The following AGBL4 variants were observed in gnomAD, a reference collection of about 807,000 sequenced individuals.
The protein encoded by AGBL4 is AGBL carboxypeptidase 4.
In AGBL4, 58 loss-of-function variants were observed where a neutral mutation model predicts 66.4. That is an observed-to-expected ratio of 0.87 (90% confidence interval 0.71 to 1.09). AGBL4 has a LOEUF of 1.09. AGBL4 is among the 50% of genes least tolerant of loss of function. The probability of loss-of-function intolerance (pLI) is 0.00; values close to 1 mark genes in which losing one functional copy is unlikely to be tolerated. For missense variants in AGBL4, 579 were observed against 631.0 expected, an observed-to-expected ratio of 0.92 and a Z score of 0.88; for synonymous variants, 234 against 222.9, an observed-to-expected ratio of 1.05 and a Z score of -0.44.
intron 3 of AGBL4, among the ~76,000 whole-genome samples, chr1:49,534,819 C>A (rs1414649504): frequency 1.3e-5 from 2 of 152,204 alleles, no homozygotes; most frequent in East Asian, 3.9e-4. Context: ...AAGCCAAGAC[C>A]ACCAGATCAC....
rs115405114 is a variant in AGBL4 at position 49,929,170 on chromosome 1, G to A, written c.35-77652C>T. Among the ~76,000 whole-genome samples, 1,427 of 152,164 alleles carry A rather than the reference G, an allele frequency of 9.4e-3. 18 individuals are homozygous for A. Among genetic ancestry groups the A allele is most frequent in the African/African-American group, 0.033 (1,362 of 41,492 alleles). On this transcript the variant is annotated intron_variant, in intron 1 of 13. Transcript: ENST00000371839. ...ATAGACACTGGGGAATACAAGAAGG[G>A]GAGGGGGGCAAAGATTGAAAAACCA...
At chr1:49,472,034 G>A (rs894715493) in intron 3 of AGBL4, 1 of 152,020 alleles carries the variant, frequency 6.6e-6, no homozygotes, top group African/African-American at 2.4e-5. Flanking sequence ...CTTGTGTAGT[G>A]TCAGAATAGT....
chr1:49,147,356 A>G (rs1646237870), intron 4 of AGBL4, among the ~76,000 whole-genome samples: 1 of 152,186 alleles, frequency 6.6e-6, no homozygotes, highest in African/African-American at 2.4e-5. Context: ...ATGATTACAC[A>G]GGAGTGTATT....
intron 1 of AGBL4, among the ~76,000 whole-genome samples, chr1:49,870,060 AT>A (rs1646801408): frequency 6.6e-6 from 1 of 152,224 alleles, no homozygotes. Context: ...GTGTATCAAA[AT>A]ATCACATGTA....
At chr1:49,871,898 G>A (rs1646846837) in intron 1 of AGBL4, among the ~76,000 whole-genome samples, 1 of 151,918 alleles carries the variant, frequency 6.6e-6, no homozygotes, top group Non-Finnish European at 1.5e-5. Flanking sequence ...GTATAGAGGA[G>A]TTTATAATCA....
At chr1:49,038,635 C>G (rs1007766922) in intron 5 of AGBL4, among the ~76,000 whole-genome samples, 11 of 151,892 alleles carry the variant, frequency 7.2e-5, no homozygotes, top group Admixed American at 3.3e-4. Flanking sequence ...AAATGCAAAT[C>G]GAAACAACAA....
chr1:49,832,637 T>G (rs1196436103), intron 2 of AGBL4, among the ~76,000 whole-genome samples: 1 of 151,438 alleles, frequency 6.6e-6, no homozygotes, highest in Non-Finnish European at 1.5e-5. Context: ...TTCCTATTTC[T>G]CCACATCCTC....
At chr1:48,687,105 G>C (rs919603974) in intron 6 of AGBL4, among the ~76,000 whole-genome samples, 10 of 152,150 alleles carry the variant, frequency 6.6e-5, no homozygotes, top group African/African-American at 2.4e-4. Flanking sequence ...AGACAGGCAG[G>C]GAGACACTCA....
chr1:49,916,959 C>A (rs1177924496), intron 1 of AGBL4, among the ~76,000 whole-genome samples: 1 of 152,256 alleles, frequency 6.6e-6, no homozygotes, highest in South Asian at 2.1e-4. Context: ...AATTTTCAAC[C>A]TAGAATTTTT....
At chr1:48,689,401 C>A (rs533917891) in intron 6 of AGBL4, among the ~76,000 whole-genome samples, 3 of 148,928 alleles carry the variant, frequency 2.0e-5, no homozygotes, top group Non-Finnish European at 4.4e-5. Flanking sequence ...ACCTACCTAC[C>A]TACCTTCCTT....
intron 1 of AGBL4, among the ~76,000 whole-genome samples, chr1:49,896,122 G>A (rs1323558359): frequency 6.6e-6 from 1 of 151,934 alleles, no homozygotes. Context: ...GACAAAAGCT[G>A]TAAGACAAGA....
chr1:48,769,048 T>G lies in AGBL4; in HGVS notation c.634+98143A>C, dbSNP rs778159603. On this transcript the variant is annotated intron_variant, in intron 6 of 13. Transcript: ENST00000371839. The stretch of plus-strand genomic sequence containing the variant: ...CTGCCTCTCTCATTAACTTGTTTGG[T>G]GATTAGTCCTCTCTTGATTTTCTTT... Among the ~76,000 whole-genome samples, 50 of 152,150 alleles carry G rather than the reference T, an allele frequency of 3.3e-4. 1 individual carries two copies. Among genetic ancestry groups the G allele is most frequent in the Non-Finnish European group, 6.0e-4 (41 of 68,022 alleles).
chr1:49,778,405 T>G lies in AGBL4; in HGVS notation c.157+72991A>C, dbSNP rs760753918. Among the ~76,000 whole-genome samples the G allele has an allele frequency of 2.6e-5, 4 of 152,180 alleles. No homozygotes were observed. The South Asian group carries it at 8.3e-4, about 31-fold the overall frequency. On this transcript the variant is annotated intron_variant, in intron 2 of 13. Transcript: ENST00000371839. ...CAACAGCTGCAACTATGAGTAAGGC[T>G]GGCCCAGGATACCTGAGTCCCTGAA...
chr1:49,298,162 C>T (rs996717027), intron 3 of AGBL4, among the ~76,000 whole-genome samples: 1 of 152,156 alleles, frequency 6.6e-6, no homozygotes, highest in African/African-American at 2.4e-5. Flanking sequence ...AGAAGTCGAC[C>T]CAGGCCAGGG....
At chr1:48,759,024 A>G in intron 6 of AGBL4, 1 of 1,614,028 alleles carries the variant, frequency 6.2e-7, no homozygotes. Context: ...GCTGCCTCCG[A>G]GTCCGCTCCA....
chr1:49,505,798 GTTA>G (rs1217209080), intron 3 of AGBL4, among the ~76,000 whole-genome samples: 1 of 151,702 alleles, frequency 6.6e-6, no homozygotes, highest in East Asian at 1.9e-4. Flanking sequence ...AATATTTTCT[GTTA>G]TTATTTCTTT....
intron 3 of AGBL4, among the ~76,000 whole-genome samples, chr1:49,380,933 G>A (rs1224278504): frequency 6.6e-6 from 1 of 152,144 alleles, no homozygotes; most frequent in African/African-American, 2.4e-5. Context: ...ACATACGCAT[G>A]GGCAAGGACT....
At chr1:48,567,114 T>C (rs1644489886) in intron 11 of AGBL4, among the ~76,000 whole-genome samples, 1 of 152,216 alleles carries the variant, frequency 6.6e-6, no homozygotes, top group Non-Finnish European at 1.5e-5. Context: ...TCATTTTACC[T>C]CATTGAGCCT....
At chr1:49,176,906 A>C (rs1646842802) in intron 4 of AGBL4, among the ~76,000 whole-genome samples, 1 of 152,148 alleles carries the variant, frequency 6.6e-6, no homozygotes. Context: ...TGGAACACAA[A>C]GTTCAGATCA....
Sources: allele counts gnomAD v4.1 joint callset (sites outside exome capture counted in the v4.1 genomes callset), GRCh38; gene constraint gnomAD v4.1.1; transcripts MANE v1.5; gene names NCBI Gene and HGNC (gene_info 2026-07-23, HGNC 2026-07-21).